The following UNKL variants were observed in gnomAD, a reference collection of about 807,000 sequenced individuals.
UNKL encodes putative E3 ubiquitin-protein ligase UNKL.
UNKL carries 60 observed loss-of-function variants against 78.0 expected under a neutral mutation model. The observed-to-expected ratio is 0.77, with a 90% CI of 0.63 to 0.95. The LOEUF (loss-of-function observed/expected upper bound fraction) is 0.95, where lower values mean the gene tolerates loss of function less well. Ranked by LOEUF, UNKL falls within the 40% of genes least tolerant of loss-of-function variation. The pLI is 0.00. For missense variants in UNKL, 1,159 were observed against 1,045.7 expected, an observed-to-expected ratio of 1.11 and a Z score of -1.49; for synonymous variants, 608 against 474.8, an observed-to-expected ratio of 1.28 and a Z score of -3.65.
intron 10 of UNKL, among the ~76,000 whole-genome samples, chr16:1,376,061 C>A (rs1596677491): frequency 6.7e-6 from 1 of 150,312 alleles, no homozygotes; most frequent in African/African-American, 2.5e-5. Context: ...GCGGGCAGGG[C>A]CTCTTCCCTC....
Position 1,403,929 on chromosome 16 carries a change from T to C in UNKL, c.288-585A>G, listed in dbSNP as rs1051034165. On this transcript the variant is annotated intron_variant, in intron 2 of 14. Transcript: ENST00000389221. This position sits in a 1 kb window ranked among gnomAD's most constrained non-coding sequence, Gnocchi z 4.8. ...CAGGTGAGGTAGCATCACCATCCCA[T>C]GGGCCACCTGCAGGCCCAGAGCCAT... Among the ~76,000 whole-genome samples, 1 of 152,026 alleles carries C rather than the reference T, an allele frequency of 6.6e-6. No homozygotes were observed. Among genetic ancestry groups the C allele is most frequent in the African/African-American group, 2.4e-5 (1 of 41,374 alleles).
chr16:1,390,553 C>T (rs1193653117), intron 9 of UNKL, 79 bp downstream of exon 9: 14 of 1,462,256 alleles, frequency 9.6e-6, no homozygotes, highest in African/African-American at 8.4e-5. Flanking sequence ...CGCGATGCCA[C>T]GGGTCAGGCA....
Position 1,399,480 on chromosome 16 carries a change from T to C in UNKL, c.628A>G (p.Thr210Ala). ...CGTGGCGGCTTCGGGCACTGCTCCGTCTTGTAGCTGCCCAGCACGAAGTTG... is the reference window on the plus strand; with the variant it reads ...CGTGGCGGCTTCGGGCACTGCTCCGCCTTGTAGCTGCCCAGCACGAAGTTG... The part of the protein sequence containing the change: ...DANFVLGSYK[T>A]EQCPKPPRLC... The change falls in exon 5 of 15, where the codon ACG becomes GCG. Residue 210 changes from threonine to alanine, a missense_variant. Transcript: ENST00000389221. This position sits in a 1 kb window ranked among gnomAD's most constrained non-coding sequence, Gnocchi z 5.8. 8 of 1,600,012 alleles carry C rather than the reference T, an allele frequency of 5.0e-6. No homozygotes were observed. Among genetic ancestry groups the C allele is most frequent in the Non-Finnish European group, 6.8e-6 (8 of 1,174,262 alleles).
rs188255112 is a variant in UNKL at position 1,405,508 on chromosome 16, G to A, written c.288-2164C>T. ...AGGGAATTACTTGAACCCGGGAGGC[G>A]GGGGTTGCAGTGAACCGAGATCGCG... On this transcript the variant is annotated intron_variant, in intron 2 of 14. Coordinates refer to ENST00000389221, the MANE Select transcript of UNKL (RefSeq NM_001372107.1). Among the ~76,000 whole-genome samples the A allele has an allele frequency of 1.2e-4, 19 of 152,060 alleles. No individual in the cohort carries two copies. In the East Asian group the frequency reaches 2.7e-3, roughly 22 times the overall value.
intron 3 of UNKL, 86 bp from the exon 4 acceptor site, chr16:1,401,787 C>A: frequency 6.6e-7 from 1 of 1,512,480 alleles, no homozygotes; most frequent in Non-Finnish European, 8.9e-7. Flanking sequence ...CGCTCCCCTC[C>A]CACCACTGCA....
In UNKL at chr16:1,370,319, G is replaced by A; in HGVS notation, c.1396C>T (p.Pro466Ser). The A allele has an allele frequency of 6.5e-6, 10 of 1,533,634 alleles. No homozygotes were observed. Among genetic ancestry groups the A allele is most frequent in the Non-Finnish European group, 8.7e-6 (10 of 1,146,026 alleles). The change falls in exon 12 of 15, where the codon CCC becomes TCC. Residue 466 changes from proline (P) to serine (S), a missense_variant. Pro to Ser is a moderately conservative substitution (Grantham distance 74, BLOSUM62 -1). Transcript: ENST00000389221. ...GATGGTGCTCTGGGCAGGGAGCCGG[G>A]GATGGCGACAGGTGCAGAGCCGGCC... Reference protein sequence around the residue: ...SLAGSAPVAIPGSLPRAPSLH... With the variant: ...SLAGSAPVAISGSLPRAPSLH...
chr16:1,386,594 G>A (rs1489593082), intron 9 of UNKL, among the ~76,000 whole-genome samples: 2 of 152,130 alleles, frequency 1.3e-5, no homozygotes, highest in Non-Finnish European at 2.9e-5. Context: ...AATTCAAATG[G>A]TATGATATCT....
At chr16:1,398,682 C>CA in intron 5 of UNKL, 77 of 435,854 alleles carry the variant, frequency 1.8e-4, no homozygotes, top group Middle Eastern at 1.1e-3. Flanking sequence ...GGGGTCTGCA[C>CA]CCCCCCACCC....
intron 14 of UNKL, among the ~76,000 whole-genome samples, chr16:1,366,717 T>C (rs570700713): frequency 1.1e-3 from 160 of 152,198 alleles, no homozygotes; most frequent in African/African-American, 3.4e-3. Context: ...CTCTGTCCTA[T>C]AGCAGCGAGT....
chr16:1,381,897 TG>T (rs1255364282), intron 10 of UNKL, among the ~76,000 whole-genome samples: 8 of 152,182 alleles, frequency 5.3e-5, no homozygotes. Flanking sequence ...GCGAGCTGAC[TG>T]TACCACTGCA....
intron 5 of UNKL, chr16:1,398,681 A>ACACCCCC: frequency 5.8e-6 from 4 of 694,532 alleles, no homozygotes; most frequent in Admixed American, 4.8e-5. Context: ...TGGGGTCTGC[A>ACACCCCC]CCCCCCCACC....
At chr16:1,393,380 A>G (rs1298154203) in intron 7 of UNKL, among the ~76,000 whole-genome samples, 7 of 151,866 alleles carry the variant, frequency 4.6e-5, no homozygotes, top group Non-Finnish European at 1.0e-4. Flanking sequence ...TGCAGCGTGG[A>G]GGAGGCCGCA....
intron 10 of UNKL, 138 bp from the exon 11 acceptor site, chr16:1,371,749 A>C: frequency 1.2e-6 from 1 of 861,896 alleles, no homozygotes; most frequent in African/African-American, 1.7e-5. Context: ...TGGGGCAGCC[A>C]GGGAAGGACA....
At chr16:1,374,317 G>A (rs950364191) in intron 10 of UNKL, among the ~76,000 whole-genome samples, 2 of 152,194 alleles carry the variant, frequency 1.3e-5, no homozygotes, top group Admixed American at 6.5e-5. Context: ...CGTCCCTGCT[G>A]GCTGCAAGTT....
In UNKL at chr16:1,367,124, G is replaced by C. The variant is rs139013793; in HGVS notation, c.2014C>G (p.Gln672Glu). ...ACCGCCTCCAGGTCCAGGCGCAGCT[G>C]ACTCTGCAGCGAGTGCAGCTTCGGC... ...PLPKLHSLQS[Q>E]LRLDLEAVDG... The change falls in exon 14 of 15, where the codon CAG (glutamine) becomes GAG (glutamate). Residue 672 changes from glutamine to glutamate, a missense_variant. Physicochemically the swap from Gln to Glu is conservative, Grantham distance 29. Transcript: ENST00000389221. 183 of 1,590,240 alleles carry C rather than the reference G, an allele frequency of 1.2e-4. No homozygotes were observed. The highest frequency in any genetic ancestry group is 1.4e-4 in the Non-Finnish European group (163 of 1,171,534).
chr16:1,398,681 A>AGGGCCCC, intron 5 of UNKL: 2 of 694,490 alleles, frequency 2.9e-6, no homozygotes, highest in Non-Finnish European at 3.8e-6. Flanking sequence ...TGGGGTCTGC[A>AGGGCCCC]CCCCCCCACC....
rs753307741 is a variant in UNKL at position 1,367,152 on chromosome 16, G to A, written c.1986C>T (p.Pro662=). ...LRGCGDIGTI[P]LPKLHSLQSQ... ...TCTGCAGCGAGTGCAGCTTCGGCAG[G>A]GGAATGGTGCCGATGTCCCCACAGC... The change falls in exon 14 of 15, where the codon CCC becomes CCT. Residue 662 remains proline (P), a synonymous_variant. Transcript: ENST00000389221. The A allele has an allele frequency of 2.5e-6, 4 of 1,602,738 alleles. No individual in the cohort carries two copies. The highest frequency in any genetic ancestry group is 2.2e-5 in the East Asian group (1 of 44,504).
intron 10 of UNKL, among the ~76,000 whole-genome samples, chr16:1,376,329 C>A (rs1488160031): frequency 6.7e-6 from 1 of 148,654 alleles, no homozygotes; most frequent in African/African-American, 2.5e-5. Context: ...GGGCACTCCT[C>A]TTCCCTCCTC....
intron 9 of UNKL, among the ~76,000 whole-genome samples, chr16:1,390,323 C>G (rs139029308): frequency 6.6e-6 from 1 of 152,228 alleles, no homozygotes; most frequent in Non-Finnish European, 1.5e-5. Context: ...GCATCCTTCC[C>G]TCGCAGCCCA....
Sources: gnomAD v4.1 joint callset for allele counts (sites outside exome capture counted in the v4.1 genomes callset) on GRCh38, gnomAD v4.1.1 for gene constraint, Gnocchi (gnomAD v3.1) non-coding constraint, MANE v1.5 for transcripts, NCBI Gene and HGNC (gene_info 2026-07-23, HGNC 2026-07-21) for gene names.